The following ASB15 variants were observed in gnomAD, a reference collection of about 807,000 sequenced individuals.
ASB15 encodes the protein ankyrin repeat and SOCS box protein 15.
ASB15 carries 54 observed loss-of-function variants against 58.0 expected under a neutral mutation model. The ratio of observed to expected loss-of-function variants is 0.93; its 90% CI spans 0.75 to 1.17. ASB15 has a LOEUF of 1.17. Among genes scored for constraint, ASB15 ranks in the 50% most tolerant of loss-of-function variants. The probability of loss-of-function intolerance (pLI) is 0.00; values close to 1 mark genes in which losing one functional copy is unlikely to be tolerated. For missense variants in ASB15, 680 were observed against 707.4 expected (o/e 0.96, Z 0.44); for synonymous variants, 249 against 262.4 (o/e 0.95, Z 0.50).
intron 11 of ASB15, among the ~76,000 whole-genome samples, chr7:123,632,057 G>C (rs969967058): frequency 6.6e-6 from 1 of 151,934 alleles, no homozygotes; most frequent in Non-Finnish European, 1.5e-5. Context: ...CAGCCTGGGC[G>C]ACAGAGCGAG....
chr7:123,574,065 G>A (rs1050948334), intron 1 of ASB15, among the ~76,000 whole-genome samples: 3 of 152,116 alleles, frequency 2.0e-5, no homozygotes, highest in African/African-American at 4.8e-5. Context: ...AGTGATAGCA[G>A]TCTATTTCCA....
chr7:123,607,983 T>A (rs974359876), intron 2 of ASB15, among the ~76,000 whole-genome samples: 2 of 152,228 alleles, frequency 1.3e-5, no homozygotes, highest in African/African-American at 4.8e-5. Flanking sequence ...CTTCCTAAAC[T>A]GTTATGAGTG....
intron 3 of ASB15, among the ~76,000 whole-genome samples, chr7:123,610,089 T>C (rs1800359195): frequency 6.6e-6 from 1 of 152,178 alleles, no homozygotes; most frequent in African/African-American, 2.4e-5. Flanking sequence ...CTATTTTTTA[T>C]TTTTGGAAGT....
rs1562929853 is a variant in ASB15 at position 123,616,489 on chromosome 7, CTGGA to C, written c.290_292+1del. ...CATTCAACAAATACTTGAGATTGTT[CTGGA>C]TGGTAAGAGAACATAAAACATGTTT... On this transcript the variant is annotated frameshift_variant and splice_region_variant, in exon 6 of 12. Coordinates refer to ENST00000451215, the MANE Select transcript of ASB15 (RefSeq NM_001290258.2). LOFTEE classifies it high-confidence loss of function. The C allele has an allele frequency of 6.2e-7, 1 of 1,612,028 alleles. No homozygotes were observed. The highest frequency in any genetic ancestry group is 8.5e-7 in the Non-Finnish European group (1 of 1,179,018).
At chr7:123,629,935 C>A in intron 10 of ASB15, 31 bp from the exon 11 acceptor site, 1 of 1,479,666 alleles carries the variant, frequency 6.8e-7, no homozygotes, top group East Asian at 2.3e-5. Flanking sequence ...ATTAAAAATA[C>A]TACTAAATTA....
At chr7:123,592,946 C>G (rs193297593) in intron 1 of ASB15, among the ~76,000 whole-genome samples, 3 of 151,924 alleles carry the variant, frequency 2.0e-5, no homozygotes, top group Non-Finnish European at 2.9e-5. Flanking sequence ...TTATGAATCT[C>G]GGTGCTCCTG....
intron 11 of ASB15, among the ~76,000 whole-genome samples, chr7:123,631,892 C>G (rs1802137126): frequency 1.3e-5 from 2 of 152,020 alleles, no homozygotes; most frequent in Admixed American, 1.3e-4. Flanking sequence ...CCCTGGCTAA[C>G]AAGGTGAAAC....
chr7:123,627,159 G>C lies in ASB15; in HGVS notation c.747G>C (p.Glu249Asp), dbSNP rs1801844228. 2 of 1,613,974 alleles carry C rather than the reference G, an allele frequency of 1.2e-6. No individual in the cohort carries two copies. The highest frequency in any genetic ancestry group is 1.7e-6 in the Non-Finnish European group (2 of 1,179,938). The change falls in exon 9 of 12, where the codon GAG becomes GAC. Residue 249 changes from glutamate (E) to aspartate (D), a missense_variant. Physicochemically the swap from Glu to Asp is conservative, Grantham distance 45. Coordinates refer to ENST00000451215, the MANE Select transcript of ASB15 (RefSeq NM_001290258.2). ...LADDGASVLF[E>D]AAGGGNPDCI... is the part of the protein sequence containing the mutation. ...ATGATGGGGCGTCGGTGCTGTTTGA[G>C]GCAGCAGGAGGTGGCAATCCCGACT...
chr7:123,602,604 T>C (rs969176543), intron 1 of ASB15, among the ~76,000 whole-genome samples: 2 of 152,174 alleles, frequency 1.3e-5, no homozygotes, highest in African/African-American at 4.8e-5. Flanking sequence ...CTGAGATTAT[T>C]AATTTATTGT....
Position 123,616,500 on chromosome 7 carries a change from G to C in ASB15, c.292+5G>C. On this transcript the variant is annotated splice_donor_5th_base_variant and intron_variant, in intron 6 of 11. Transcript: ENST00000451215. Reference sequence around the variant, plus strand: ...TACTTGAGATTGTTCTGGATGGTAAGAGAACATAAAACATGTTTGACCAAG... The same window carrying C: ...TACTTGAGATTGTTCTGGATGGTAACAGAACATAAAACATGTTTGACCAAG... The C allele has an allele frequency of 6.2e-7, 1 of 1,611,230 alleles. No homozygotes were observed. The highest frequency in any genetic ancestry group is 1.1e-5 in the South Asian group (1 of 90,576).
At chr7:123,591,486 T>C (rs573254963) in intron 1 of ASB15, among the ~76,000 whole-genome samples, 3 of 152,260 alleles carry the variant, frequency 2.0e-5, no homozygotes, top group African/African-American at 7.2e-5. Flanking sequence ...CAACATCTAG[T>C]TTATTGAGAG....
intron 1 of ASB15, among the ~76,000 whole-genome samples, chr7:123,574,945 TA>T (rs148400913): frequency 0.22 from 33,662 of 151,890 alleles, 4,225 homozygotes; most frequent in East Asian, 0.27. Context: ...TTAAGACACA[TA>T]GGGGAGAAAA....
At chr7:123,585,325 A>G (rs1799346625) in intron 1 of ASB15, among the ~76,000 whole-genome samples, 1 of 151,732 alleles carries the variant, frequency 6.6e-6, no homozygotes, top group Admixed American at 6.6e-5. Context: ...TTATCCAAGC[A>G]GAAGAGACAA....
upstream of ASB15, among the ~76,000 whole-genome samples, chr7:123,597,569 C>T (rs1010991548): frequency 7.2e-5 from 11 of 152,154 alleles, no homozygotes; most frequent in Admixed American, 6.5e-5. Context: ...TGGTGGCTCA[C>T]GCCTGTAATC....
chr7:123,624,695 T>C lies in ASB15; in HGVS notation c.578T>C (p.Val193Ala). 1 of 1,614,174 alleles carries C rather than the reference T, an allele frequency of 6.2e-7. No individual in the cohort carries two copies. The highest frequency in any genetic ancestry group is 8.5e-7 in the Non-Finnish European group (1 of 1,180,022). Reference sequence around the variant, plus strand: ...GCCAAGCAAGGCCGAAAAGATATCGTAGCTCTGCTGCTGAAACATGGAGGC... The same window carrying C: ...GCCAAGCAAGGCCGAAAAGATATCGCAGCTCTGCTGCTGAAACATGGAGGC... ...EAAKQGRKDI[V>A]ALLLKHGGNV... Residue 193 changes from valine (V) to alanine (A), a missense_variant, in exon 8 of 12, where the codon GTA becomes GCA. By Grantham distance (64) the Val-to-Ala change is moderately conservative. Transcript: ENST00000451215.
chr7:123,581,005 G>A (rs539950984), intron 1 of ASB15, among the ~76,000 whole-genome samples: 34 of 151,946 alleles, frequency 2.2e-4, no homozygotes, highest in Non-Finnish European at 4.1e-4. Context: ...GTCCATTCCT[G>A]TGTGACTCTC....
chr7:123,577,900 T>C (rs924507294), intron 1 of ASB15, among the ~76,000 whole-genome samples: 1 of 152,008 alleles, frequency 6.6e-6, no homozygotes, highest in Admixed American at 6.6e-5. Flanking sequence ...AATTACTTTT[T>C]TAAAAATTAT....
intron 1 of ASB15, among the ~76,000 whole-genome samples, chr7:123,574,009 C>T (rs1338987676): frequency 6.6e-6 from 1 of 151,880 alleles, no homozygotes; most frequent in Non-Finnish European, 1.5e-5. Flanking sequence ...TATGATAGAC[C>T]AAAGAAATAC....
In ASB15 at chr7:123,594,576, C is replaced by T. The variant is rs193143289; in HGVS notation, c.-442-9456C>T. 3.6e-3 allele frequency among the ~76,000 whole-genome samples: 550 copies of T among 152,276 alleles called. 2 individuals are homozygous for T. The highest frequency in any genetic ancestry group is 4.8e-3 in the Non-Finnish European group (327 of 68,018). On this transcript the variant is annotated intron_variant, in intron 1 of 13. Transcript: ENST00000451558. ...TCTGTTGGAGTTTGCTGGAGGTCCACTCCAGACCCTGTTTGCCTAGGTATC... is the reference window on the plus strand; with the variant it reads ...TCTGTTGGAGTTTGCTGGAGGTCCATTCCAGACCCTGTTTGCCTAGGTATC...
Sources: gnomAD v4.1 joint callset for allele counts (sites outside exome capture counted in the v4.1 genomes callset) on GRCh38, gnomAD v4.1.1 for gene constraint, MANE v1.5 for transcripts, NCBI Gene and HGNC (gene_info 2026-07-23, HGNC 2026-07-21) for gene names.